The following LMX1A variants were observed in gnomAD, a reference collection of about 807,000 sequenced individuals.
LMX1A encodes LIM homeobox transcription factor 1-alpha.
A neutral mutation model predicts 49.1 loss-of-function variants in LMX1A; 15 were observed. That is an observed-to-expected ratio of 0.31 (90% confidence interval 0.20 to 0.47). The LOEUF (loss-of-function observed/expected upper bound fraction) is 0.47, where lower values mean the gene tolerates loss of function less well. Among genes scored for constraint, LMX1A ranks in the 20% least tolerant of loss-of-function variants. LMX1A has a pLI of 1.00. For missense variants in LMX1A, 372 were observed against 475.8 expected, an observed-to-expected ratio of 0.78 and a Z score of 2.03; for synonymous variants, 167 against 185.7, an observed-to-expected ratio of 0.90 and a Z score of 0.82.
At position 165,213,909 on chromosome 1, in the gene LMX1A, G is replaced by A. The variant is rs1304440396; in HGVS notation, c.497-96C>T. 6.4e-6 allele frequency: 7 copies of A among 1,099,036 alleles called. No individual in the cohort carries two copies. The African/African-American group carries it at 9.4e-5, about 15-fold the overall frequency. The allele number at this position is 1,099,036 out of a possible 1,614,324, so 68.1% of individuals were successfully genotyped here. ...CAAGGCCTCCAGGTCCACATTTCCA[G>A]GATGGCTTTATGTATGAGAGCAATA... On this transcript the variant is annotated intron_variant, in intron 4 of 8. Transcript: ENST00000342310.
chr1:165,315,252 C>T (rs192380714), intron 3 of LMX1A, among the ~76,000 whole-genome samples: 2 of 152,206 alleles, frequency 1.3e-5, no homozygotes, highest in Non-Finnish European at 2.9e-5. Context: ...ATCTACAACT[C>T]CCCTCTGGCC....
At chr1:165,290,810 G>GTAAA (rs2101714868) in intron 3 of LMX1A, among the ~76,000 whole-genome samples, 1 of 152,286 alleles carries the variant, frequency 6.6e-6, no homozygotes, top group Admixed American at 6.5e-5. Flanking sequence ...TTTTGGAAAG[G>GTAAA]TAAATTCTTG....
chr1:165,343,039 T>A (rs1252292042), intron 3 of LMX1A, among the ~76,000 whole-genome samples: 1 of 152,178 alleles, frequency 6.6e-6, no homozygotes, highest in Non-Finnish European at 1.5e-5. Context: ...TTAAAACTGT[T>A]GTGAGGATCA....
At chr1:165,319,633 C>T (rs138421576) in intron 3 of LMX1A, among the ~76,000 whole-genome samples, 29 of 152,142 alleles carry the variant, frequency 1.9e-4, no homozygotes, top group African/African-American at 6.5e-4. Flanking sequence ...AGACTAATGA[C>T]ATGAGAAAAC....
chr1:165,240,151 A>G (rs1193327665), intron 4 of LMX1A, among the ~76,000 whole-genome samples: 2 of 152,240 alleles, frequency 1.3e-5, no homozygotes, highest in African/African-American at 2.4e-5. Flanking sequence ...ATACACACCT[A>G]TAAATGTGTA....
At chr1:165,204,787 CA>C (rs556966760) in intron 8 of LMX1A, among the ~76,000 whole-genome samples, 17 of 152,054 alleles carry the variant, frequency 1.1e-4, no homozygotes, top group African/African-American at 3.1e-4. Context: ...AAAGAATTTG[CA>C]AAAAAATGTG....
intron 3 of LMX1A, among the ~76,000 whole-genome samples, chr1:165,272,917 C>T (rs1207365326): frequency 6.6e-6 from 1 of 152,158 alleles, no homozygotes; most frequent in Non-Finnish European, 1.5e-5. Context: ...CATGAACATT[C>T]TTCCACGGAC....
intron 3 of LMX1A, among the ~76,000 whole-genome samples, chr1:165,257,431 G>A (rs928226688): frequency 6.1e-5 from 8 of 131,972 alleles, no homozygotes; most frequent in African/African-American, 2.3e-4. Flanking sequence ...GTAGGTGAAA[G>A]GCAGGAGTTA....
intron 3 of LMX1A, among the ~76,000 whole-genome samples, chr1:165,306,801 G>T (rs930012762): frequency 6.6e-6 from 1 of 152,184 alleles, no homozygotes; most frequent in Non-Finnish European, 1.5e-5. Flanking sequence ...GATGGCTAGT[G>T]GTTTGGCTGC....
intron 3 of LMX1A, among the ~76,000 whole-genome samples, chr1:165,295,693 G>T (rs1571207721): frequency 1.3e-5 from 2 of 152,108 alleles, no homozygotes; most frequent in African/African-American, 4.8e-5. Context: ...TAGGAGATAG[G>T]GTGAAACAAT....
chr1:165,325,482 TAC>T (rs918141812), intron 3 of LMX1A, among the ~76,000 whole-genome samples: 15 of 150,526 alleles, frequency 1.0e-4, no homozygotes, highest in Admixed American at 2.7e-4. Flanking sequence ...TGTGTGTGTA[TAC>T]ATTCTTTCCA....
intron 3 of LMX1A, among the ~76,000 whole-genome samples, chr1:165,257,519 C>T (rs1162850839): frequency 6.6e-6 from 1 of 152,124 alleles, no homozygotes; most frequent in East Asian, 1.9e-4. Context: ...AAGAGGCCTA[C>T]CCTCTATGGA....
At chr1:165,302,943 T>C (rs1249203741) in intron 3 of LMX1A, among the ~76,000 whole-genome samples, 1 of 152,228 alleles carries the variant, frequency 6.6e-6, no homozygotes, top group Non-Finnish European at 1.5e-5. Context: ...CCTTAGCCTA[T>C]GTTGTTTGGA....
intron 4 of LMX1A, among the ~76,000 whole-genome samples, chr1:165,235,432 A>T (rs2102624692): frequency 6.6e-6 from 1 of 152,296 alleles, no homozygotes; most frequent in Admixed American, 6.5e-5. Context: ...ACTCACACTC[A>T]CACACAAATA....
chr1:165,290,480 T>C (rs1422658736), intron 3 of LMX1A, among the ~76,000 whole-genome samples: 1 of 152,164 alleles, frequency 6.6e-6, no homozygotes, highest in Non-Finnish European at 1.5e-5. Flanking sequence ...AAAATGTCTC[T>C]ATTTATAAAA....
At chr1:165,242,829 C>T (rs1377761965) in intron 4 of LMX1A, among the ~76,000 whole-genome samples, 1 of 149,202 alleles carries the variant, frequency 6.7e-6, no homozygotes, top group Non-Finnish European at 1.5e-5. Flanking sequence ...ACTTGGGAGG[C>T]TGAGGCAGGA....
chr1:165,274,560 C>A (rs1036996812), intron 3 of LMX1A, among the ~76,000 whole-genome samples: 5 of 152,314 alleles, frequency 3.3e-5, no homozygotes, highest in Middle Eastern at 3.4e-3. Flanking sequence ...CTTAGCTAAT[C>A]CACCTTCCCA....
intron 3 of LMX1A, among the ~76,000 whole-genome samples, chr1:165,274,277 G>T (rs1185807760): frequency 6.6e-6 from 1 of 152,052 alleles, no homozygotes; most frequent in African/African-American, 2.4e-5. Flanking sequence ...TGTGTTCAAG[G>T]AATATTTTAC....
intron 3 of LMX1A, among the ~76,000 whole-genome samples, chr1:165,318,999 T>TCTCTCTCA (rs1444303214): frequency 1.8e-3 from 217 of 117,808 alleles, no homozygotes; most frequent in African/African-American, 5.4e-3. Context: ...TCTCTCTCTC[T>TCTCTCTCA]CACACACACA....
Sources: gnomAD v4.1 joint callset for allele counts (sites outside exome capture counted in the v4.1 genomes callset) on GRCh38, gnomAD v4.1.1 for gene constraint, MANE v1.5 for transcripts, NCBI Gene and HGNC (gene_info 2026-07-23, HGNC 2026-07-21) for gene names.